Variants in ERBB4 observed in about 807,000 individuals in gnomAD.
The protein encoded by ERBB4 is erb-b2 receptor tyrosine kinase 4.
ERBB4 carries 42 observed loss-of-function variants against 158.0 expected under a neutral mutation model. That is an observed-to-expected ratio of 0.27 (90% CI 0.21 to 0.34). ERBB4 has a LOEUF of 0.34. Ranked by LOEUF, ERBB4 falls within the 10% of genes least tolerant of loss-of-function variation. The pLI is 1.00. For synonymous variants in ERBB4, 583 were observed against 558.7 expected (o/e 1.04, Z -0.61); for missense variants, 1,333 against 1,624.1 (o/e 0.82, Z 3.08).
At chr2:211,506,326 C>T (rs1469756658) in intron 20 of ERBB4, among the ~76,000 whole-genome samples, 6 of 152,214 alleles carry the variant, frequency 3.9e-5, no homozygotes, top group African/African-American at 1.4e-4. Context: ...ACTTCAACAT[C>T]CCATTGATAA....
chr2:211,620,437 A>G lies in ERBB4; in HGVS notation c.2203-1162T>C, dbSNP rs1241185005. 1.3e-5 allele frequency among the ~76,000 whole-genome samples: 2 copies of G among 152,228 alleles called. 1 individual carries two copies. The highest frequency in any genetic ancestry group is 3.8e-4 in the East Asian group (2 of 5,200). On this transcript the variant is annotated intron_variant, in intron 18 of 27. Coordinates refer to ENST00000342788, the MANE Select transcript of ERBB4 (RefSeq NM_005235.3). ...TGAACTTTTATGCTACAACATATGT[A>G]TTTGTGTTACTCAAAGTTGCAGTAT...
At chr2:212,345,784 G>A (rs2088969240) in intron 1 of ERBB4, among the ~76,000 whole-genome samples, 1 of 152,072 alleles carries the variant, frequency 6.6e-6, no homozygotes, top group Admixed American at 6.6e-5. Flanking sequence ...AATTTAAAAT[G>A]TAAATCCTAA....
intron 1 of ERBB4, among the ~76,000 whole-genome samples, chr2:212,447,965 A>T (rs2092387913): frequency 6.6e-6 from 1 of 152,204 alleles, no homozygotes; most frequent in Admixed American, 6.5e-5. Flanking sequence ...ATCAAATCAC[A>T]CTATTACTTG....
intron 19 of ERBB4, among the ~76,000 whole-genome samples, chr2:211,566,802 T>C (rs890072385): frequency 6.6e-5 from 10 of 152,200 alleles, no homozygotes; most frequent in Admixed American, 5.9e-4. Context: ...AGATATCAGA[T>C]TAAAGTCAAT....
At chr2:212,266,341 T>G (rs1215916466) in intron 1 of ERBB4, among the ~76,000 whole-genome samples, 1 of 152,164 alleles carries the variant, frequency 6.6e-6, no homozygotes, top group Non-Finnish European at 1.5e-5. Flanking sequence ...AGAGCTTTTC[T>G]TTTTGAATGG....
rs192104093 is a variant in ERBB4 at position 212,199,083 on chromosome 2, C to T, written c.83-74180G>A. On this transcript the variant is annotated intron_variant, in intron 1 of 27. Coordinates refer to ENST00000342788, the MANE Select transcript of ERBB4 (RefSeq NM_005235.3). Reference sequence around the variant, plus strand: ...TTTTGGGGAATCACCATACTGTTTTCCACAGTGGTTGTGTCATTTTAAATC... The same window carrying T: ...TTTTGGGGAATCACCATACTGTTTTTCACAGTGGTTGTGTCATTTTAAATC... Among the ~76,000 whole-genome samples the T allele has an allele frequency of 1.2e-4, 19 of 152,200 alleles. No homozygotes were observed. In the East Asian group the frequency reaches 3.7e-3, roughly 29 times the overall value.
chr2:211,576,996 C>G (rs529724230), intron 19 of ERBB4, among the ~76,000 whole-genome samples: 1 of 152,050 alleles, frequency 6.6e-6, no homozygotes, highest in South Asian at 2.1e-4. Context: ...AGTTGTGTGA[C>G]ATAAAGCAAG....
At chr2:212,306,869 A>G (rs1218526553) in intron 1 of ERBB4, among the ~76,000 whole-genome samples, 1 of 151,098 alleles carries the variant, frequency 6.6e-6, no homozygotes, top group Non-Finnish European at 1.5e-5. Flanking sequence ...AATAAAAACC[A>G]ATTAAAATTA....
At chr2:212,477,085 A>T (rs1689443090) in intron 1 of ERBB4, among the ~76,000 whole-genome samples, 1 of 152,164 alleles carries the variant, frequency 6.6e-6, no homozygotes, top group Non-Finnish European at 1.5e-5. Context: ...TCTATGTGAA[A>T]CACTTAGCAT....
At chr2:211,618,455 T>C (rs59567431) in intron 19 of ERBB4, among the ~76,000 whole-genome samples, 5,084 of 152,018 alleles carry the variant, frequency 0.033, 309 homozygotes, top group African/African-American at 0.12. Context: ...AGAGCAGAGT[T>C]GAGTTGCTGC....
intron 19 of ERBB4, among the ~76,000 whole-genome samples, chr2:211,608,416 A>G (rs866937692): frequency 2.0e-5 from 3 of 152,164 alleles, no homozygotes; most frequent in Non-Finnish European, 4.4e-5. Context: ...GGGAACTTTC[A>G]GTTCAAATCC....
At chr2:211,671,405 G>A (rs1003576476) in intron 14 of ERBB4, among the ~76,000 whole-genome samples, 1 of 151,776 alleles carries the variant, frequency 6.6e-6, no homozygotes. Flanking sequence ...AAACTAAAAA[G>A]GTTAAGAGAA....
chr2:211,728,593 C>G (rs1049912097), intron 5 of ERBB4, among the ~76,000 whole-genome samples: 3 of 151,768 alleles, frequency 2.0e-5, no homozygotes, highest in Non-Finnish European at 4.4e-5. Flanking sequence ...GATGCATCAA[C>G]AGTCGCTAAT....
intron 3 of ERBB4, among the ~76,000 whole-genome samples, chr2:211,921,761 G>A (rs1021970213): frequency 6.6e-6 from 1 of 152,040 alleles, no homozygotes; most frequent in Non-Finnish European, 1.5e-5. Flanking sequence ...AGTAAATGAT[G>A]AGAAGGAAGT....
chr2:212,515,721 A>C (rs547900809), intron 1 of ERBB4, among the ~76,000 whole-genome samples: 1 of 152,124 alleles, frequency 6.6e-6, no homozygotes, highest in East Asian at 1.9e-4. Context: ...AAAAATTTTG[A>C]AATCAATTGT....
chr2:211,510,417 A>G (rs1257349025), intron 20 of ERBB4, among the ~76,000 whole-genome samples: 1 of 152,086 alleles, frequency 6.6e-6, no homozygotes, highest in East Asian at 1.9e-4. Flanking sequence ...CCTCACCATT[A>G]CGTGATATAT....
At chr2:211,917,495 A>G (rs551601678) in intron 3 of ERBB4, among the ~76,000 whole-genome samples, 21 of 152,308 alleles carry the variant, frequency 1.4e-4, no homozygotes, top group Admixed American at 4.6e-4. Flanking sequence ...CAAAATATGG[A>G]GACATTAAGC....
At chr2:211,832,211 C>T (rs1169616810) in intron 3 of ERBB4, among the ~76,000 whole-genome samples, 4 of 152,044 alleles carry the variant, frequency 2.6e-5, no homozygotes, top group Non-Finnish European at 4.4e-5. Flanking sequence ...CTAGTGATAG[C>T]ATCTCCACAG....
chr2:212,086,831 T>C (rs2078628526), intron 2 of ERBB4, among the ~76,000 whole-genome samples: 1 of 151,962 alleles, frequency 6.6e-6, no homozygotes, highest in African/African-American at 2.4e-5. Flanking sequence ...TCAGAGTCTT[T>C]AAACCTGATG....
Sources: gnomAD v4.1 joint callset for allele counts (sites outside exome capture counted in the v4.1 genomes callset) on GRCh38, gnomAD v4.1.1 for gene constraint, MANE v1.5 for transcripts, NCBI Gene and HGNC (gene_info 2026-07-23, HGNC 2026-07-21) for gene names.